ZSWIM4: variants seen among roughly 807,000 people sequenced by gnomAD.
ZSWIM4 encodes zinc finger SWIM domain-containing protein 4.
Under a neutral mutation model 102.5 loss-of-function variants are expected in ZSWIM4, and 62 were observed. The ratio of observed to expected loss-of-function variants is 0.60; its 90% CI spans 0.49 to 0.75. The LOEUF (loss-of-function observed/expected upper bound fraction) is 0.75. Among genes scored for constraint, ZSWIM4 ranks in the 30% least tolerant of loss-of-function variants. The pLI is 0.00. For synonymous variants in ZSWIM4, 652 were observed against 674.5 expected, an observed-to-expected ratio of 0.97 and a Z score of 0.52; for missense variants, 1,280 against 1,529.6, an observed-to-expected ratio of 0.84 and a Z score of 2.72.
chr19:13,795,706 G>A lies in ZSWIM4; in HGVS notation c.58G>A (p.Asp20Asn). 8.5e-7 allele frequency: 1 copy of A among 1,179,506 alleles called. No individual in the cohort carries two copies. The highest frequency in any genetic ancestry group is 3.3e-4 in the Middle Eastern group (1 of 3,050). The allele number at this position is 1,179,506 out of a possible 1,614,324, so 73.1% of individuals were successfully genotyped here. The change falls in exon 1 of 14, where the codon GAT becomes AAT. Residue 20 changes from aspartate to asparagine, a missense_variant. Coordinates refer to ENST00000590508, the MANE Select transcript of ZSWIM4 (RefSeq NM_001367834.3). Reference protein sequence around the residue: ...RGCPAGPEERDAGAGAARGRG... With the variant: ...RGCPAGPEERNAGAGAARGRG... ...CTGCCCCGCGGGACCCGAGGAGCGC[G>A]ATGCCGGGGCCGGGGCCGCGCGTGG...
intron 7 of ZSWIM4, among the ~76,000 whole-genome samples, chr19:13,815,806 GC>G (rs1458965631): frequency 2.0e-5 from 3 of 151,844 alleles, no homozygotes; most frequent in African/African-American, 7.3e-5. Context: ...AGGCGTGGTG[GC>G]GCACACCTGT....
In ZSWIM4 at chr19:13,802,308, C is replaced by G. The variant is rs184499162; in HGVS notation, c.355+2387C>G. ...TTTTTTTAAGAGATAGAGTCTCGGC[C>G]GGGCACAGTGGCTCACACCTGTAAT... is the stretch of plus-strand genomic sequence containing the variant. On this transcript the variant is annotated intron_variant, in intron 2 of 13. Transcript: ENST00000590508. 2.7e-5 allele frequency among the ~76,000 whole-genome samples: 4 copies of G among 147,552 alleles called. No homozygotes were observed. In the South Asian group the frequency reaches 6.8e-4, roughly 25 times the overall value.
intron 2 of ZSWIM4, among the ~76,000 whole-genome samples, chr19:13,802,484 G>T (rs1225187087): frequency 1.3e-5 from 2 of 151,616 alleles, no homozygotes; most frequent in Non-Finnish European, 2.9e-5. Context: ...AGAGGCTGAG[G>T]CAGGAGAATC....
chr19:13,805,272 G>A (rs555350241), intron 3 of ZSWIM4, 124 bp downstream of exon 3: 17 of 820,284 alleles, frequency 2.1e-5, no homozygotes, highest in Middle Eastern at 3.4e-4. Flanking sequence ...CGGAAAACGC[G>A]CCATGGCCTG....
At chr19:13,812,953 G>C in intron 5 of ZSWIM4, 44 bp from the exon 6 acceptor site, 1 of 1,560,318 alleles carries the variant, frequency 6.4e-7, no homozygotes, top group Non-Finnish European at 8.7e-7. Context: ...GTGTGTTGCT[G>C]CCACTGTTGG....
chr19:13,799,181 A>G (rs1270640336), intron 1 of ZSWIM4, among the ~76,000 whole-genome samples: 1 of 151,744 alleles, frequency 6.6e-6, no homozygotes, highest in Non-Finnish European at 1.5e-5. Flanking sequence ...CATGGCCTCA[A>G]GTGACCCTCC....
At chr19:13,824,503 C>T (rs922606767) in intron 11 of ZSWIM4, among the ~76,000 whole-genome samples, 6 of 151,688 alleles carry the variant, frequency 4.0e-5, no homozygotes, top group African/African-American at 1.2e-4. Flanking sequence ...AGGCCGAGGC[C>T]GGGGGATCAC....
chr19:13,830,465 G>C lies in ZSWIM4; in HGVS notation c.2736G>C (p.Ala912=). The C allele has an allele frequency of 1.2e-6, 2 of 1,603,748 alleles. No homozygotes were observed. The highest frequency in any genetic ancestry group is 1.7e-6 in the Non-Finnish European group (2 of 1,179,744). Residue 912 remains alanine (A), a synonymous_variant, in exon 14 of 14, where the codon GCG becomes GCC. Coordinates refer to ENST00000590508, the MANE Select transcript of ZSWIM4 (RefSeq NM_001367834.3). The part of the protein sequence containing the change: ...FEAAYQIVLD[A]AAGGLGHAHL... ...CGGCCTACCAGATCGTGCTGGACGCGGCGGCCGGCGGCCTGGGCCACGCCC... is the reference window on the plus strand; with the variant it reads ...CGGCCTACCAGATCGTGCTGGACGCCGCGGCCGGCGGCCTGGGCCACGCCC...
intron 5 of ZSWIM4, among the ~76,000 whole-genome samples, chr19:13,810,323 C>T (rs1015791709): frequency 6.6e-6 from 1 of 150,478 alleles, no homozygotes; most frequent in Non-Finnish European, 1.5e-5. Context: ...CACGGACTCT[C>T]ACCCTGTCTC....
At chr19:13,829,247 C>T (rs1287631540) in intron 13 of ZSWIM4, among the ~76,000 whole-genome samples, 2 of 152,090 alleles carry the variant, frequency 1.3e-5, no homozygotes, top group African/African-American at 4.8e-5. Context: ...TGCCACTGCA[C>T]TCCAGCCTGA....
At position 13,803,529 on chromosome 19, in the gene ZSWIM4, C is replaced by A. The variant is rs539080488; in HGVS notation, c.356-1263C>A. On this transcript the variant is annotated intron_variant, in intron 2 of 13. Coordinates refer to ENST00000590508, the MANE Select transcript of ZSWIM4 (RefSeq NM_001367834.3). ...GGGCTCGGTGGCTCGCGCCTATAAT[C>A]CCAGCACTTTGGGAGGCCGAGGCGG... Among the ~76,000 whole-genome samples the A allele has an allele frequency of 4.6e-5, 7 of 151,730 alleles. No individual in the cohort carries two copies. In the East Asian group the frequency reaches 1.4e-3, roughly 30 times the overall value.
intron 3 of ZSWIM4, among the ~76,000 whole-genome samples, chr19:13,808,020 C>G (rs999804622): frequency 1.3e-4 from 20 of 152,112 alleles, no homozygotes; most frequent in Non-Finnish European, 2.4e-4. Context: ...GAGAAGCAAA[C>G]ACATCTTCAC....
At chr19:13,824,359 C>T (rs531581207) in intron 11 of ZSWIM4, among the ~76,000 whole-genome samples, 3 of 151,796 alleles carry the variant, frequency 2.0e-5, no homozygotes, top group South Asian at 2.1e-4. Context: ...GCCAGGAGTT[C>T]GGGACCAGCA....
At chr19:13,806,503 C>CA (rs1315446409) in intron 3 of ZSWIM4, among the ~76,000 whole-genome samples, 1 of 151,770 alleles carries the variant, frequency 6.6e-6, no homozygotes, top group East Asian at 1.9e-4. Flanking sequence ...CTCCTCTCTA[C>CA]AAAAAATAAA....
chr19:13,817,141 A>C, intron 7 of ZSWIM4, 75 bp from the exon 8 acceptor site: 5 of 1,520,876 alleles, frequency 3.3e-6, no homozygotes, highest in Non-Finnish European at 3.5e-6. Context: ...CTGGCAGGTC[A>C]AGAAGAGGAA....
rs532248311 is a variant in ZSWIM4 at position 13,799,940 on chromosome 19, C to T, written c.355+19C>T. ...CAAGTGGGTGAGTCTTTGTCCCCCACTCCTGCTGGGGAGGCCAGGAGGTCC... is the reference window on the plus strand; with the variant it reads ...CAAGTGGGTGAGTCTTTGTCCCCCATTCCTGCTGGGGAGGCCAGGAGGTCC... On this transcript the variant is annotated intron_variant, in intron 2 of 13. Transcript: ENST00000590508. 7.5e-6 allele frequency: 12 copies of T among 1,602,286 alleles called. No homozygotes were observed. The South Asian group carries it at 1.1e-4, about 15-fold the overall frequency.
intron 10 of ZSWIM4, among the ~76,000 whole-genome samples, chr19:13,820,645 C>T (rs1309929407): frequency 1.3e-5 from 2 of 152,192 alleles, no homozygotes; most frequent in Admixed American, 6.5e-5. Flanking sequence ...CAGATCTCTC[C>T]GGATGCAAGC....
chr19:13,830,978 C>T lies in ZSWIM4; in HGVS notation c.3249C>T (p.Phe1083=), dbSNP rs373002828. 5.4e-5 allele frequency: 87 copies of T among 1,613,596 alleles called. No individual in the cohort carries two copies. Among genetic ancestry groups the T allele is most frequent in the Admixed American group, 1.7e-4 (10 of 59,812 alleles). The change falls in exon 14 of 14, where the codon TTC becomes TTT. Residue 1083 remains phenylalanine (F), a synonymous_variant. Transcript: ENST00000590508. ...APDGHLQFSQ[F]LENLKQTYKG... is the part of the protein sequence containing the mutation. The stretch of plus-strand genomic sequence containing the variant: ...ACGGGCACCTCCAGTTCTCACAGTT[C>T]TTGGAGAACCTCAAACAGACCTACA...
At chr19:13,807,604 A>ATGGATGGATGGG (rs1251476293) in intron 3 of ZSWIM4, among the ~76,000 whole-genome samples, 1 of 151,078 alleles carries the variant, frequency 6.6e-6, no homozygotes, top group Non-Finnish European at 1.5e-5. Flanking sequence ...GGATGGATGG[A>ATGGATGGATGGG]TGGATGGATG....
Sources: allele counts gnomAD v4.1 joint callset (sites outside exome capture counted in the v4.1 genomes callset), GRCh38; gene constraint gnomAD v4.1.1; transcripts MANE v1.5; gene names NCBI Gene and HGNC (gene_info 2026-07-23, HGNC 2026-07-21).